Variants in LRFN2 observed in about 807,000 individuals in gnomAD.
LRFN2 encodes leucine-rich repeat and fibronectin type-III domain-containing protein 2.
Under a neutral mutation model 37.3 loss-of-function variants are expected in LRFN2, and 18 were observed. That is an observed-to-expected ratio of 0.48 (90% CI 0.33 to 0.72). LRFN2 has a LOEUF of 0.72. Among genes scored for constraint, LRFN2 ranks in the 30% least tolerant of loss-of-function variants. LRFN2 has a pLI of 0.02. For missense variants in LRFN2, 1,006 were observed against 1,060.7 expected, an observed-to-expected ratio of 0.95 and a Z score of 0.72; for synonymous variants, 556 against 466.6, an observed-to-expected ratio of 1.19 and a Z score of -2.47.
At chr6:40,446,669 G>A (rs964324257) in intron 1 of LRFN2, among the ~76,000 whole-genome samples, 1 of 152,236 alleles carries the variant, frequency 6.6e-6, no homozygotes, top group Non-Finnish European at 1.5e-5. Context: ...CCTCTGGGAG[G>A]CTGCAATCTA....
intron 1 of LRFN2, among the ~76,000 whole-genome samples, chr6:40,562,435 G>C (rs1055971980): frequency 1.3e-5 from 2 of 151,480 alleles, no homozygotes; most frequent in Admixed American, 6.6e-5. Context: ...TACGGTACAG[G>C]GGGAGGGCAG....
At position 40,432,768 on chromosome 6, in the gene LRFN2, C is replaced by A. The variant is rs753505083; in HGVS notation, c.346G>T (p.Gly116Trp). Residue 116 changes from glycine (G) to tryptophan (W), a missense_variant, in exon 2 of 3, where the codon GGG (glycine) becomes TGG (tryptophan). This residue lies in a region of LRFN2 where 185 missense variants were observed against 254.9 expected (regional missense o/e 0.73). Transcript: ENST00000338305. ...HLDSNRLPSLGEDTLRGLVNL... is the reference protein window; with the variant it reads ...HLDSNRLPSLWEDTLRGLVNL... ...ACCAGGCCCCGGAGGGTGTCCTCCC[C>A]AAGGCTTGGCAGCCGATTGCTGTCA... The A allele has an allele frequency of 1.2e-6, 2 of 1,614,072 alleles. No individual in the cohort carries two copies. The highest frequency in any genetic ancestry group is 1.3e-5 in the African/African-American group (1 of 74,934).
At position 40,392,697 on chromosome 6, in the gene LRFN2, C is replaced by A; in HGVS notation, c.1616G>T (p.Gly539Val). 1 of 1,614,060 alleles carries A rather than the reference C, an allele frequency of 6.2e-7. No homozygotes were observed. The highest frequency in any genetic ancestry group is 8.5e-7 in the Non-Finnish European group (1 of 1,180,004). ...ILGGTMILVIGGIIVATLLVF... is the reference protein window; with the variant it reads ...ILGGTMILVIVGIIVATLLVF... ...CAGCAGCGTGGCCACGATGATGCCC[C>A]CGATGACCAGGATCATGGTGCCGCC... Residue 539 changes from glycine (G) to valine (V), a missense_variant, in exon 3 of 3, where the codon GGG becomes GTG. Gly to Val is a moderately radical substitution (Grantham distance 109). This residue lies in a region of LRFN2 where 120 missense variants were observed against 178.4 expected (regional missense o/e 0.67). Transcript: ENST00000338305. The surrounding 1 kb of genome is among the most constrained non-coding windows in gnomAD (Gnocchi z 4.7).
chr6:40,465,251 C>T (rs1169449386), intron 1 of LRFN2, among the ~76,000 whole-genome samples: 2 of 152,134 alleles, frequency 1.3e-5, no homozygotes, highest in Non-Finnish European at 2.9e-5. Flanking sequence ...TGTAGCTCTG[C>T]CAGTACCTTG....
rs751179915 is a variant in LRFN2, at chr6:40,523,505, ATTTTTTTTTTT to A, written c.-19+63425_-19+63435del. 1.8e-3 allele frequency among the ~76,000 whole-genome samples: 227 copies of A among 129,312 alleles called. 10 individuals carry two copies. Among genetic ancestry groups the A allele is most frequent in the African/African-American group, 5.6e-3 (203 of 35,960 alleles). 84.8% of individuals were successfully genotyped at this position (129,312 alleles called of 152,430 possible). On this transcript the variant is annotated intron_variant, in intron 1 of 2. Coordinates refer to ENST00000338305, the MANE Select transcript of LRFN2 (RefSeq NM_020737.3). ...TAGGACCCTAAAGCATCTTTAGGTGATTTTTTTTTTTTTTTTTTTTTTTTTTTTTTACCGAT... is the reference window on the plus strand; with the variant it reads ...TAGGACCCTAAAGCATCTTTAGGTGATTTTTTTTTTTTTTTTTTTACCGAT...
intron 1 of LRFN2, among the ~76,000 whole-genome samples, chr6:40,542,334 G>C (rs1052928442): frequency 3.9e-5 from 6 of 152,156 alleles, no homozygotes; most frequent in African/African-American, 1.4e-4. Context: ...GGTGGCAGCA[G>C]GGGGTCATTA....
chr6:40,462,619 A>G (rs1764371126), intron 1 of LRFN2, among the ~76,000 whole-genome samples: 1 of 152,206 alleles, frequency 6.6e-6, no homozygotes. Flanking sequence ...GCCACGATGA[A>G]TACAACCACA....
At chr6:40,406,185 G>A (rs1047214950) in intron 2 of LRFN2, among the ~76,000 whole-genome samples, 7 of 152,230 alleles carry the variant, frequency 4.6e-5, no homozygotes, top group Admixed American at 4.6e-4. Flanking sequence ...GGGAGCAGAT[G>A]ATACAGCCCC....
chr6:40,468,115 CCTGCT>C (rs1330479277), intron 1 of LRFN2, among the ~76,000 whole-genome samples: 2 of 152,116 alleles, frequency 1.3e-5, no homozygotes, highest in African/African-American at 4.8e-5. Flanking sequence ...TTATTGGGCA[CCTGCT>C]CTGGGGTGGG....
intron 2 of LRFN2, among the ~76,000 whole-genome samples, chr6:40,401,995 A>T (rs1461598850): frequency 6.6e-6 from 1 of 152,064 alleles, no homozygotes; most frequent in Non-Finnish European, 1.5e-5. Flanking sequence ...CTCTCTAGTT[A>T]GCCTTGAGAT....
chr6:40,476,872 CAAG>C (rs1764719327), intron 1 of LRFN2, among the ~76,000 whole-genome samples: 1 of 152,206 alleles, frequency 6.6e-6, no homozygotes, highest in Non-Finnish European at 1.5e-5. Context: ...CACTCACTGG[CAAG>C]TAGAATCAGG....
chr6:40,524,495 G>A (rs781641481), intron 1 of LRFN2, among the ~76,000 whole-genome samples: 53 of 151,274 alleles, frequency 3.5e-4, no homozygotes, highest in Admixed American at 6.6e-4. Flanking sequence ...CTCTTGGGCT[G>A]TGAAGTAAAT....
chr6:40,495,928 C>G (rs932999499), intron 1 of LRFN2, among the ~76,000 whole-genome samples: 3 of 152,170 alleles, frequency 2.0e-5, no homozygotes, highest in African/African-American at 7.2e-5. Context: ...CACTGCCAAC[C>G]TGCCACCTCC....
chr6:40,503,809 G>C (rs1285490644), intron 1 of LRFN2, among the ~76,000 whole-genome samples: 1 of 152,130 alleles, frequency 6.6e-6, no homozygotes, highest in Non-Finnish European at 1.5e-5. Flanking sequence ...AGAGTCAAAT[G>C]CTGCTGAGAA....
intron 2 of LRFN2, among the ~76,000 whole-genome samples, chr6:40,398,535 A>G (rs774517034): frequency 4.0e-5 from 6 of 151,718 alleles, no homozygotes; most frequent in Non-Finnish European, 8.8e-5. Flanking sequence ...GGGACAATAG[A>G]TAATAAATGG....
At chr6:40,543,161 G>A (rs1766588982) in intron 1 of LRFN2, among the ~76,000 whole-genome samples, 1 of 152,218 alleles carries the variant, frequency 6.6e-6, no homozygotes, top group African/African-American at 2.4e-5. Context: ...GACCACAAGT[G>A]TGTTCTCCCT....
intron 1 of LRFN2, among the ~76,000 whole-genome samples, chr6:40,542,445 C>T (rs1245225812): frequency 1.3e-5 from 2 of 152,026 alleles, no homozygotes; most frequent in Non-Finnish European, 2.9e-5. Context: ...AGGAGCATGG[C>T]AGAGACTTTC....
intron 1 of LRFN2, among the ~76,000 whole-genome samples, chr6:40,535,614 A>G (rs1281323462): frequency 6.6e-6 from 1 of 152,116 alleles, no homozygotes; most frequent in Non-Finnish European, 1.5e-5. Flanking sequence ...GGGTGGGACT[A>G]TGAGCCAGGC....
intron 2 of LRFN2, among the ~76,000 whole-genome samples, chr6:40,394,015 C>A (rs1460711910): frequency 6.6e-6 from 1 of 152,088 alleles, no homozygotes; most frequent in Admixed American, 6.5e-5. Context: ...AGGAAAGGGA[C>A]GATTCCTTGG....
Sources: gnomAD v4.1 joint callset for allele counts (sites outside exome capture counted in the v4.1 genomes callset) on GRCh38, gnomAD v4.1.1 for gene constraint, gnomAD v4.1.1 regional missense constraint, Gnocchi (gnomAD v3.1) non-coding constraint, MANE v1.5 for transcripts, NCBI Gene and HGNC (gene_info 2026-07-23, HGNC 2026-07-21) for gene names.